QSER1: variants seen among roughly 807,000 people sequenced by gnomAD.
QSER1 encodes the protein glutamine and serine-rich protein 1.
Under a neutral mutation model 158.5 loss-of-function variants are expected in QSER1, and 49 were observed. The ratio of observed to expected loss-of-function variants is 0.31; its 90% CI spans 0.25 to 0.39. QSER1 has a LOEUF of 0.39. Ranked by LOEUF, QSER1 falls within the 10% of genes least tolerant of loss-of-function variation. QSER1 has a pLI of 1.00. For missense variants in QSER1, 1,754 were observed against 2,010.3 expected (o/e 0.87, Z 2.44); for synonymous variants, 650 against 715.5 (o/e 0.91, Z 1.46).
At position 32,977,615 on chromosome 11, in the gene QSER1, G is replaced by C. The variant is rs1485992647; in HGVS notation, c.*1141G>C. ...CTGGAAGTTGTAGAGCTCTCCTTTT[G>C]GTGCCTTTCCAGCCTTTATACACAC... On this transcript the variant is annotated 3_prime_UTR_variant, in exon 13 of 13. Transcript: ENST00000650167. The C allele has an allele frequency of 1.1e-4, 17 of 152,546 alleles. No homozygotes were observed. Among genetic ancestry groups the C allele is most frequent in the Admixed American group, 1.1e-3 (17 of 15,270 alleles). The allele number at this position is 152,546 out of a possible 1,614,324, so 9.4% of individuals were successfully genotyped here.
chr11:32,897,375 T>G (rs886600393), intron 1 of QSER1, among the ~76,000 whole-genome samples: 1 of 152,222 alleles, frequency 6.6e-6, no homozygotes, highest in Non-Finnish European at 1.5e-5. Flanking sequence ...TCCACCTATA[T>G]GTGAAATGAG....
At chr11:32,953,789 G>T in intron 4 of QSER1, 68 bp from the exon 5 acceptor site, 1 of 1,509,198 alleles carries the variant, frequency 6.6e-7, no homozygotes, top group Non-Finnish European at 8.9e-7. Context: ...AAACTGTTTT[G>T]AGTTTTACAC....
intron 4 of QSER1, among the ~76,000 whole-genome samples, chr11:32,942,825 G>A (rs1168497682): frequency 6.6e-6 from 1 of 152,000 alleles, no homozygotes; most frequent in Non-Finnish European, 1.5e-5. Flanking sequence ...ACCTTGGGCA[G>A]TATGGCCATT....
chr11:32,958,049 A>G lies in QSER1; in HGVS notation c.4932A>G (p.Ser1644=). The part of the protein sequence containing the change: ...KEEFSSSQSD[S]SPEIHTSSSD... ...AATTTTCATCATCCCAATCTGACTC[A>G]TCTCCTGAGATCCATACTAGTAGTA... The change falls in exon 8 of 13, where the codon TCA becomes TCG. Residue 1644 remains serine (S), a synonymous_variant. Transcript: ENST00000650167. The G allele has an allele frequency of 6.2e-7, 1 of 1,614,156 alleles. No homozygotes were observed. Among genetic ancestry groups the G allele is most frequent in the Non-Finnish European group, 8.5e-7 (1 of 1,180,020 alleles).
At chr11:32,916,783 T>G (rs1016407417) in intron 1 of QSER1, among the ~76,000 whole-genome samples, 1 of 4,688 alleles carries the variant, frequency 2.1e-4, no homozygotes, top group East Asian at 0.5. Flanking sequence ...CATGACTCTA[T>G]TTTTTTTTTT....
chr11:32,924,177 T>C (rs1461323365), intron 1 of QSER1, among the ~76,000 whole-genome samples: 1 of 151,996 alleles, frequency 6.6e-6, no homozygotes, highest in African/African-American at 2.4e-5. Context: ...TGACTTTGGG[T>C]TGGTGAAGAT....
At chr11:32,928,345 A>G (rs952534538) in intron 3 of QSER1, among the ~76,000 whole-genome samples, 3 of 152,188 alleles carry the variant, frequency 2.0e-5, no homozygotes, top group African/African-American at 7.2e-5. Flanking sequence ...GTAAGTTGAC[A>G]TTGAGGGGTA....
chr11:32,950,692 C>G (rs1852407360), intron 4 of QSER1, among the ~76,000 whole-genome samples: 1 of 152,114 alleles, frequency 6.6e-6, no homozygotes, highest in Non-Finnish European at 1.5e-5. Context: ...ATACCCACAC[C>G]CAGCTATAGG....
chr11:32,950,716 T>TTC (rs887905949), intron 4 of QSER1, among the ~76,000 whole-genome samples: 1 of 152,166 alleles, frequency 6.6e-6, no homozygotes, highest in Non-Finnish European at 1.5e-5. Context: ...CCACAAATCT[T>TTC]TCTCTCTCTG....
intron 8 of QSER1, among the ~76,000 whole-genome samples, chr11:32,964,427 A>C (rs1852686328): frequency 6.6e-6 from 1 of 152,210 alleles, no homozygotes; most frequent in African/African-American, 2.4e-5. Context: ...ACCCAGTAGT[A>C]GTTTTGCAAA....
intron 4 of QSER1, among the ~76,000 whole-genome samples, chr11:32,940,702 A>G (rs1852217260): frequency 6.6e-6 from 1 of 152,128 alleles, no homozygotes; most frequent in Non-Finnish European, 1.5e-5. Flanking sequence ...ATTCATTTAG[A>G]TTGTAAACTT....
In QSER1 at chr11:32,893,037, TC is replaced by T. The variant is rs1300018222; in HGVS notation, c.-84del. On this transcript the variant is annotated 5_prime_UTR_variant, in exon 1 of 13. Transcript: ENST00000650167. The surrounding 1 kb of genome is among the most constrained non-coding windows in gnomAD (Gnocchi z 4.7). The stretch of plus-strand genomic sequence containing the variant: ...CTCCACCGCCGCCGCCCCCTCTTCC[TC>T]CCCCGCCCCCTCTCCCTGCCCGCCC... The T allele has an allele frequency of 2.6e-5, 1 of 39,190 alleles. No homozygotes were observed. The highest frequency in any genetic ancestry group is 9.9e-5 in the African/African-American group (1 of 10,130). The allele number at this position is 39,190 out of a possible 1,614,324, so 2.4% of individuals were successfully genotyped here.
intron 4 of QSER1, among the ~76,000 whole-genome samples, chr11:32,945,876 A>T (rs989891040): frequency 7.9e-5 from 12 of 151,678 alleles, no homozygotes; most frequent in African/African-American, 2.9e-4. Flanking sequence ...AGGTACACCA[A>T]TCAGACGTAG....
chr11:32,906,911 A>G (rs920461287), intron 1 of QSER1, among the ~76,000 whole-genome samples: 4 of 152,196 alleles, frequency 2.6e-5, no homozygotes, highest in African/African-American at 9.7e-5. Context: ...TTTCAACCAT[A>G]GTATGAAAGA....
At chr11:32,955,904 C>A in intron 6 of QSER1, 84 bp from the exon 7 acceptor site, 1 of 1,285,130 alleles carries the variant, frequency 7.8e-7, no homozygotes, top group Non-Finnish European at 1.1e-6. Flanking sequence ...TGAAGGTTGG[C>A]TATGGGATAG....
At chr11:32,937,375 C>G (rs958818145) in intron 4 of QSER1, among the ~76,000 whole-genome samples, 1 of 152,110 alleles carries the variant, frequency 6.6e-6, no homozygotes, top group Non-Finnish European at 1.5e-5. Flanking sequence ...ACCTCAAACT[C>G]CTGGGCCCAG....
At chr11:32,959,719 TA>T (rs59052869) in intron 8 of QSER1, among the ~76,000 whole-genome samples, 2 of 152,042 alleles carry the variant, frequency 1.3e-5, no homozygotes, top group African/African-American at 4.8e-5. Context: ...AGAACCATAA[TA>T]AAAAAAATTC....
chr11:32,923,277 T>C (rs1590724567), intron 1 of QSER1, among the ~76,000 whole-genome samples: 1 of 152,096 alleles, frequency 6.6e-6, no homozygotes, highest in Non-Finnish European at 1.5e-5. Context: ...TCTGGGGACT[T>C]GGTGGTAGGA....
intron 1 of QSER1, among the ~76,000 whole-genome samples, chr11:32,904,392 A>G (rs1851664772): frequency 6.6e-6 from 1 of 151,826 alleles, no homozygotes; most frequent in South Asian, 2.1e-4. Flanking sequence ...AGGTTTCACC[A>G]TGCTGGCCAG....
Sources: gnomAD v4.1 joint callset for allele counts (sites outside exome capture counted in the v4.1 genomes callset) on GRCh38, gnomAD v4.1.1 for gene constraint, Gnocchi (gnomAD v3.1) non-coding constraint, MANE v1.5 for transcripts, NCBI Gene and HGNC (gene_info 2026-07-23, HGNC 2026-07-21) for gene names.